Variants in PPTC7 observed in about 807,000 individuals in gnomAD.
PPTC7 encodes protein phosphatase targeting COQ7, also known as protein phosphatase PTC7 homolog.
Under a neutral mutation model 30.8 loss-of-function variants are expected in PPTC7, and 6 were observed. The observed-to-expected ratio is 0.19, with a 90% confidence interval of 0.11 to 0.38. The LOEUF (loss-of-function observed/expected upper bound fraction) is 0.38, where lower values mean the gene tolerates loss of function less well. Among genes scored for constraint, PPTC7 ranks in the 10% least tolerant of loss-of-function variants. PPTC7 has a pLI of 1.00. For missense variants in PPTC7, 218 were observed against 404.8 expected (o/e 0.54, Z 3.96); for synonymous variants, 163 against 168.1 (o/e 0.97, Z 0.23).
intron 3 of PPTC7, 46 bp from the exon 4 acceptor site, chr12:110,539,991 A>G: frequency 6.3e-7 from 1 of 1,583,814 alleles, no homozygotes; most frequent in Non-Finnish European, 8.6e-7. Flanking sequence ...GGCCCTTTAC[A>G]GATGAGTTGA....
intron 1 of PPTC7, among the ~76,000 whole-genome samples, chr12:110,572,322 T>C (rs768263945): frequency 2.0e-5 from 3 of 152,112 alleles, no homozygotes; most frequent in Non-Finnish European, 1.5e-5. Flanking sequence ...CATGTGCCTG[T>C]AGTCCCAGCT....
At chr12:110,542,389 G>A (rs763499157) in intron 3 of PPTC7, among the ~76,000 whole-genome samples, 263 of 151,396 alleles carry the variant, frequency 1.7e-3, no homozygotes, top group Non-Finnish European at 3.2e-3. Context: ...TGCTCATAGC[G>A]GGCTGTGGGT....
At chr12:110,545,358 C>T (rs980620821) in intron 3 of PPTC7, among the ~76,000 whole-genome samples, 1 of 152,158 alleles carries the variant, frequency 6.6e-6, no homozygotes, top group Non-Finnish European at 1.5e-5. Context: ...CTCCCAAAGT[C>T]CTGGGATTAC....
chr12:110,549,975 T>C lies in PPTC7; in HGVS notation c.403+1814A>G, dbSNP rs1028395597. Among the ~76,000 whole-genome samples the C allele has an allele frequency of 1.4e-4, 21 of 152,120 alleles. 1 individual carries two copies. On this transcript the variant is annotated intron_variant, in intron 2 of 5. Coordinates refer to ENST00000354300, the MANE Select transcript of PPTC7 (RefSeq NM_139283.2). ...TGACAGAGAGGTGCTAGAAATAGCA[T>C]CTAGAATGTTTCACTATGCCAGACA...
intron 1 of PPTC7, among the ~76,000 whole-genome samples, chr12:110,556,684 G>A (rs1432926317): frequency 6.6e-6 from 1 of 152,190 alleles, no homozygotes; most frequent in Non-Finnish European, 1.5e-5. Flanking sequence ...AATACCCTAA[G>A]AGCAAATGGA....
At chr12:110,557,277 G>C (rs571822064) in intron 1 of PPTC7, among the ~76,000 whole-genome samples, 1 of 152,250 alleles carries the variant, frequency 6.6e-6, no homozygotes, top group East Asian at 1.9e-4. Flanking sequence ...TGACTTAGTA[G>C]TAGTTTTGTT....
chr12:110,583,100 C>T lies in PPTC7; in HGVS notation c.-69G>A. 7.9e-7 allele frequency: 1 copy of T among 1,263,322 alleles called. No homozygotes were observed. Among genetic ancestry groups the T allele is most frequent in the Non-Finnish European group, 1.0e-6 (1 of 989,588 alleles). 78.3% of individuals were successfully genotyped at this position (1,263,322 alleles called of 1,614,324 possible). ...GGAGGACGCGGAGGCCCGGAGCCGGCTCTCTCCTCAGCCGCAGTCGCGCCG... is the reference window on the plus strand; with the variant it reads ...GGAGGACGCGGAGGCCCGGAGCCGGTTCTCTCCTCAGCCGCAGTCGCGCCG... On this transcript the variant is annotated 5_prime_UTR_variant, in exon 1 of 6. Transcript: ENST00000354300.
chr12:110,550,115 AAGAC>A (rs781254004), intron 2 of PPTC7, among the ~76,000 whole-genome samples: 1 of 152,186 alleles, frequency 6.6e-6, no homozygotes, highest in Non-Finnish European at 1.5e-5. Context: ...TCACAGCACA[AAGAC>A]AGAAGACAGC....
chr12:110,558,337 G>A (rs1261531868), intron 1 of PPTC7, among the ~76,000 whole-genome samples: 3 of 152,174 alleles, frequency 2.0e-5, no homozygotes, highest in Non-Finnish European at 2.9e-5. Flanking sequence ...CTCTATGGAG[G>A]TAGAGAGAAG....
intron 3 of PPTC7, among the ~76,000 whole-genome samples, chr12:110,543,447 A>G (rs1259146260): frequency 2.6e-5 from 4 of 151,956 alleles, no homozygotes; most frequent in Admixed American, 6.6e-5. Flanking sequence ...AAAAAAAAAA[A>G]GGGAAAAAGA....
intron 1 of PPTC7, among the ~76,000 whole-genome samples, chr12:110,566,946 C>T (rs2135787097): frequency 6.6e-6 from 1 of 152,292 alleles, no homozygotes; most frequent in East Asian, 1.9e-4. Context: ...TCTGAAGTAA[C>T]CTTACTTAGC....
At chr12:110,572,815 T>C (rs1188321072) in intron 1 of PPTC7, among the ~76,000 whole-genome samples, 1 of 152,186 alleles carries the variant, frequency 6.6e-6, no homozygotes, top group Non-Finnish European at 1.5e-5. Flanking sequence ...TTCACCACAG[T>C]TGGGAAAGTA....
chr12:110,553,234 C>A (rs1348044628), intron 1 of PPTC7, among the ~76,000 whole-genome samples: 1 of 151,570 alleles, frequency 6.6e-6, no homozygotes, highest in Non-Finnish European at 1.5e-5. Flanking sequence ...CGCAACCTCT[C>A]CGCCTCCTGG....
intron 1 of PPTC7, among the ~76,000 whole-genome samples, chr12:110,556,297 CT>C (rs1398370337): frequency 6.6e-6 from 1 of 152,120 alleles, no homozygotes; most frequent in African/African-American, 2.4e-5. Context: ...CATATAAACT[CT>C]TCAATAAAGC....
At chr12:110,552,085 C>T in intron 1 of PPTC7, 117 bp from the exon 2 acceptor site, 3 of 766,826 alleles carry the variant, frequency 3.9e-6, no homozygotes, top group East Asian at 5.4e-5. Flanking sequence ...ACATTCACTC[C>T]AAAATTCAGA....
intron 2 of PPTC7, among the ~76,000 whole-genome samples, chr12:110,551,142 T>C (rs1449436267): frequency 6.6e-6 from 1 of 152,226 alleles, no homozygotes; most frequent in Non-Finnish European, 1.5e-5. Flanking sequence ...TTCTCTGCTA[T>C]TGGCAACATT....
intron 1 of PPTC7, among the ~76,000 whole-genome samples, chr12:110,566,867 TG>T (rs1335493778): frequency 1.3e-5 from 2 of 152,212 alleles, no homozygotes; most frequent in African/African-American, 4.8e-5. Context: ...AACATATATT[TG>T]TCTCCAAAAA....
chr12:110,572,405 C>T (rs757688711), intron 1 of PPTC7, among the ~76,000 whole-genome samples: 1 of 152,186 alleles, frequency 6.6e-6, no homozygotes, highest in Non-Finnish European at 1.5e-5. Context: ...CACGCCATTG[C>T]ACTCCTGCCT....
chr12:110,552,194 G>C (rs1453688335), intron 1 of PPTC7, among the ~76,000 whole-genome samples: 7 of 152,098 alleles, frequency 4.6e-5, no homozygotes, highest in African/African-American at 1.7e-4. Flanking sequence ...ATAAACTTTT[G>C]AGCTACCACA....
Sources: gnomAD v4.1 joint callset for allele counts (sites outside exome capture counted in the v4.1 genomes callset) on GRCh38, gnomAD v4.1.1 for gene constraint, MANE v1.5 for transcripts, NCBI Gene and HGNC (gene_info 2026-07-23, HGNC 2026-07-21) for gene names.